TNNI3K: variants seen among roughly 807,000 people sequenced by gnomAD.
TNNI3K encodes the protein TNNI3 interacting kinase.
A neutral mutation model predicts 114.5 loss-of-function variants in TNNI3K; 140 were observed. The ratio of observed to expected loss-of-function variants is 1.22; its 90% CI spans 1.07 to 1.41. TNNI3K has a LOEUF of 1.41. Ranked by LOEUF, TNNI3K falls within the 40% of genes most tolerant of loss-of-function variation. TNNI3K has a pLI of 0.00. For missense variants in TNNI3K, 1,125 were observed against 1,007.6 expected, an observed-to-expected ratio of 1.12 and a Z score of -1.58; for synonymous variants, 347 against 347.5, an observed-to-expected ratio of 1.00 and a Z score of 0.02.
intron 5 of TNNI3K, among the ~76,000 whole-genome samples, chr1:74,325,378 T>G (rs1252819851): frequency 1.3e-5 from 2 of 152,142 alleles, no homozygotes; most frequent in Non-Finnish European, 2.9e-5. Context: ...TATGTCTAGC[T>G]GTCCCATAGG....
intron 5 of TNNI3K, among the ~76,000 whole-genome samples, chr1:74,297,178 C>A (rs961628281): frequency 1.3e-5 from 2 of 152,008 alleles, no homozygotes; most frequent in African/African-American, 4.8e-5. Flanking sequence ...CAACATAGAT[C>A]AACACCATAC....
intron 21 of TNNI3K, among the ~76,000 whole-genome samples, chr1:74,488,250 A>G (rs1019273411): frequency 6.6e-6 from 1 of 152,022 alleles, no homozygotes. Flanking sequence ...GGTTTTGCTC[A>G]CTCCACTGCT....
intron 17 of TNNI3K, among the ~76,000 whole-genome samples, chr1:74,376,194 T>C (rs1173590674): frequency 1.3e-5 from 2 of 151,966 alleles, no homozygotes; most frequent in Non-Finnish European, 2.9e-5. Context: ...ATATTATTGA[T>C]AGAAAATTAT....
chr1:74,274,950 G>A (rs527935630), intron 5 of TNNI3K, among the ~76,000 whole-genome samples: 92 of 152,156 alleles, frequency 6.0e-4, no homozygotes, highest in Non-Finnish European at 9.7e-4. Flanking sequence ...CAGAATGGTC[G>A]TATGGGTACT....
chr1:74,495,668 T>G (rs1669292555), intron 23 of TNNI3K, among the ~76,000 whole-genome samples: 1 of 152,162 alleles, frequency 6.6e-6, no homozygotes, highest in Non-Finnish European at 1.5e-5. Context: ...ATAGAAAAGG[T>G]AAGCAACTTT....
chr1:74,423,886 C>T (rs1665509870), intron 17 of TNNI3K, among the ~76,000 whole-genome samples: 1 of 152,088 alleles, frequency 6.6e-6, no homozygotes, highest in Admixed American at 6.6e-5. Flanking sequence ...CTATGCCCCG[C>T]ACAGAGTAAT....
intron 2 of TNNI3K, among the ~76,000 whole-genome samples, chr1:74,247,234 G>A (rs115564237): frequency 0.044 from 6,651 of 152,138 alleles, 190 homozygotes; most frequent in Non-Finnish European, 0.054. Flanking sequence ...GAGTGAAGCC[G>A]CCGACCTTCG....
At chr1:74,450,746 A>G (rs552589920) in intron 20 of TNNI3K, among the ~76,000 whole-genome samples, 135 of 152,310 alleles carry the variant, frequency 8.9e-4, no homozygotes, top group Admixed American at 2.5e-3. Context: ...GTCAACAAAC[A>G]ACAGATACTG....
intron 23 of TNNI3K, among the ~76,000 whole-genome samples, chr1:74,498,324 A>G (rs1458113004): frequency 6.6e-6 from 1 of 152,180 alleles, no homozygotes; most frequent in East Asian, 1.9e-4. Flanking sequence ...TATGTCATGA[A>G]GAAGTATTTT....
intron 11 of TNNI3K, 34 bp downstream of exon 11, chr1:74,354,163 A>G (rs113176709): frequency 2.5e-6 from 4 of 1,612,890 alleles, no homozygotes; most frequent in African/African-American, 1.3e-5. Context: ...CTATAGTGAT[A>G]CATTGAACTG....
chr1:74,301,411 T>C (rs1476225406), intron 5 of TNNI3K, among the ~76,000 whole-genome samples: 1 of 151,626 alleles, frequency 6.6e-6, no homozygotes, highest in Non-Finnish European at 1.5e-5. Flanking sequence ...AAAAAAATGA[T>C]GGGGAGGGGG....
chr1:74,325,458 G>C (rs1160744414), intron 5 of TNNI3K, among the ~76,000 whole-genome samples: 1 of 152,132 alleles, frequency 6.6e-6, no homozygotes, highest in African/African-American at 2.4e-5. Context: ...ACTGGGAAGA[G>C]GCAGAGAATT....
At chr1:74,247,417 A>G (rs933392712) in intron 2 of TNNI3K, among the ~76,000 whole-genome samples, 7 of 152,176 alleles carry the variant, frequency 4.6e-5, no homozygotes, top group Non-Finnish European at 2.9e-5. Context: ...AAAGAGTGAG[A>G]AGCAGCAAGA....
rs146229521 is a variant in TNNI3K, at chr1:74,520,756, G to A, written c.2352-19478G>A. 1.4e-3 allele frequency among the ~76,000 whole-genome samples: 220 copies of A among 152,248 alleles called. 8 individuals carry two copies. In the South Asian group the frequency reaches 0.045, roughly 31 times the overall value. On this transcript the variant is annotated intron_variant, in intron 23 of 24. Transcript: ENST00000326637. Reference sequence around the variant, plus strand: ...TATTTGGGACTTGGTCTATGTGGCGGTGATAAAGAAAACAGTCCCCTTTGA... The same window carrying A: ...TATTTGGGACTTGGTCTATGTGGCGATGATAAAGAAAACAGTCCCCTTTGA...
intron 5 of TNNI3K, among the ~76,000 whole-genome samples, chr1:74,318,546 A>G: frequency 6.6e-6 from 1 of 152,214 alleles, no homozygotes; most frequent in East Asian, 1.9e-4. Context: ...CAAATGTTTG[A>G]GGAATGGATA....
chr1:74,425,590 C>A (rs1349773755), intron 17 of TNNI3K, among the ~76,000 whole-genome samples: 2 of 152,186 alleles, frequency 1.3e-5, no homozygotes, highest in African/African-American at 4.8e-5. Flanking sequence ...CATTTTAATT[C>A]AGTATGAGTT....
At chr1:74,497,960 G>A (rs963631961) in intron 23 of TNNI3K, among the ~76,000 whole-genome samples, 5 of 152,022 alleles carry the variant, frequency 3.3e-5, no homozygotes, top group Middle Eastern at 3.2e-3. Flanking sequence ...ATGCATCCTA[G>A]GCTTTTTGAA....
chr1:74,468,849 A>AT (rs1243851598), intron 21 of TNNI3K: 6 of 152,100 alleles, frequency 3.9e-5, no homozygotes, highest in African/African-American at 1.4e-4. Flanking sequence ...TGCTTCAAAT[A>AT]TTTTTTACAG....
Position 74,383,119 on chromosome 1 carries a change from GTCT to G in TNNI3K, c.1772+12734_1772+12736del, listed in dbSNP as rs542649769. Among the ~76,000 whole-genome samples the G allele has an allele frequency of 4.2e-3, 627 of 150,808 alleles. 2 individuals carry two copies. Among genetic ancestry groups the G allele is most frequent in the Non-Finnish European group, 6.8e-3 (459 of 67,720 alleles). On this transcript the variant is annotated intron_variant, in intron 17 of 24. Transcript: ENST00000326637. The stretch of plus-strand genomic sequence containing the variant: ...ACAAAGAATGTGAAAGACATTCTGA[GTCT>G]TCTTCTGTTGAGATATGGGTGGCCT...
Sources: gnomAD v4.1 joint callset for allele counts (sites outside exome capture counted in the v4.1 genomes callset) on GRCh38, gnomAD v4.1.1 for gene constraint, MANE v1.5 for transcripts, NCBI Gene and HGNC (gene_info 2026-07-23, HGNC 2026-07-21) for gene names.